MLXIPL: variants seen among roughly 807,000 people sequenced by gnomAD.
MLXIPL encodes MLX interacting protein like, also known as carbohydrate-responsive element-binding protein.
A neutral mutation model predicts 81.5 loss-of-function variants in MLXIPL; 49 were observed. That is an observed-to-expected ratio of 0.60 (90% confidence interval 0.48 to 0.76). The LOEUF (loss-of-function observed/expected upper bound fraction) is 0.76, where lower values mean the gene tolerates loss of function less well. Among genes scored for constraint, MLXIPL ranks in the 30% least tolerant of loss-of-function variants. The pLI, the probability that MLXIPL is intolerant of heterozygous loss-of-function variation, is 0.00. For synonymous variants in MLXIPL, 466 were observed against 485.5 expected, an observed-to-expected ratio of 0.96 and a Z score of 0.53; for missense variants, 1,053 against 1,167.0, an observed-to-expected ratio of 0.90 and a Z score of 1.42.
chr7:73,622,982 C>A (rs1193103584), intron 1 of MLXIPL, among the ~76,000 whole-genome samples: 1 of 152,066 alleles, frequency 6.6e-6, no homozygotes, highest in Admixed American at 6.6e-5. Flanking sequence ...CAGGCAGTCG[C>A]GTGACATTTG....
intron 7 of MLXIPL, 40 bp from the exon 8 acceptor site, chr7:73,599,735 G>A: frequency 6.4e-7 from 1 of 1,572,608 alleles, no homozygotes. Context: ...GTTAGGGCCA[G>A]GGCTATGGCT....
In MLXIPL at chr7:73,605,899, C is replaced by T. The variant is rs782136298; in HGVS notation, c.820+11G>A. The T allele has an allele frequency of 6.3e-7, 1 of 1,576,440 alleles. No homozygotes were observed. Among genetic ancestry groups the T allele is most frequent in the East Asian group, 2.3e-5 (1 of 43,204 alleles). On this transcript the variant is annotated intron_variant, in intron 6 of 16. Transcript: ENST00000313375. ...TTCACCCCTCTCCCCTGCCCTTTCTCAGACCCTCACCATCCTCAGGCGGCA... is the reference window on the plus strand; with the variant it reads ...TTCACCCCTCTCCCCTGCCCTTTCTTAGACCCTCACCATCCTCAGGCGGCA...
intron 1 of MLXIPL, among the ~76,000 whole-genome samples, chr7:73,620,006 G>A (rs1490853056): frequency 1.3e-5 from 2 of 151,900 alleles, no homozygotes; most frequent in African/African-American, 2.4e-5. Context: ...GAGCAGTGGT[G>A]GGCCTGTAAC....
chr7:73,601,207 G>C (rs1445222227), intron 7 of MLXIPL, among the ~76,000 whole-genome samples: 1 of 150,744 alleles, frequency 6.6e-6, no homozygotes, highest in Non-Finnish European at 1.5e-5. Context: ...GTGTGTGTGT[G>C]TGTGTGTGTT....
At chr7:73,647,540 C>A in the MLXIPL span, among the ~76,000 whole-genome samples, 2 of 152,188 alleles carry the variant, frequency 1.3e-5, no homozygotes, top group Non-Finnish European at 2.9e-5. Context: ...AGGATGAATT[C>A]TTGGATTCCT....
chr7:73,615,202 C>T (rs1366151857), intron 2 of MLXIPL, among the ~76,000 whole-genome samples: 1 of 152,122 alleles, frequency 6.6e-6, no homozygotes, highest in Non-Finnish European at 1.5e-5. Flanking sequence ...GAGGAACTAG[C>T]TCTGGGCAAC....
At chr7:73,600,092 T>C (rs1459829230) in intron 7 of MLXIPL, among the ~76,000 whole-genome samples, 1 of 150,368 alleles carries the variant, frequency 6.7e-6, no homozygotes, top group Non-Finnish European at 1.5e-5. Context: ...GGAAAAGGGG[T>C]ACGGTGCTAG....
intron 1 of MLXIPL, among the ~76,000 whole-genome samples, chr7:73,619,318 G>C (rs555545295): frequency 6.6e-6 from 1 of 151,988 alleles, no homozygotes; most frequent in Non-Finnish European, 1.5e-5. Flanking sequence ...AAAATTAGCC[G>C]GACGTGGTGG....
Position 73,594,200 on chromosome 7 carries a change from T to A in MLXIPL, c.2440+74A>T, listed in dbSNP as rs959942282. 1.8e-5 allele frequency: 28 copies of A among 1,598,654 alleles called. No individual in the cohort carries two copies. The African/African-American group carries it at 3.7e-4, about 21-fold the overall frequency. On this transcript the variant is annotated intron_variant, in intron 16 of 16. Coordinates refer to ENST00000313375, the MANE Select transcript of MLXIPL (RefSeq NM_032951.3). ...TGTTGATGGCAAGCTGGATGTGGGA[T>A]CTAAGCAGGGTGGAATGCTCCCTCC...
Position 73,593,791 on chromosome 7 carries a change from G to T in MLXIPL, c.*74C>A. 7.7e-7 allele frequency: 1 copy of T among 1,306,514 alleles called. No individual in the cohort carries two copies. The highest frequency in any genetic ancestry group is 1.1e-6 in the Non-Finnish European group (1 of 901,302). The allele number at this position is 1,306,514 out of a possible 1,614,324, so 80.9% of individuals were successfully genotyped here. A position where few individuals can be genotyped will look rare whatever the true frequency, so the allele number is the denominator to read the frequency against. ...CTGGGGCAGGAAGGGAGTGCCCAGA[G>T]ATGATCCCTGGAGCCCGTGCCCAGG... is the stretch of plus-strand genomic sequence containing the variant. On this transcript the variant is annotated 3_prime_UTR_variant, in exon 17 of 17. Coordinates refer to ENST00000313375, the MANE Select transcript of MLXIPL (RefSeq NM_032951.3).
chr7:73,618,051 C>T (rs1289485421), intron 1 of MLXIPL, among the ~76,000 whole-genome samples: 1 of 152,168 alleles, frequency 6.6e-6, no homozygotes, highest in Non-Finnish European at 1.5e-5. Flanking sequence ...CCTTTTGCAT[C>T]CCTTACTCAG....
At chr7:73,640,180 T>C in the MLXIPL span, among the ~76,000 whole-genome samples, 7 of 141,762 alleles carry the variant, frequency 4.9e-5, no homozygotes, top group Non-Finnish European at 1.1e-4. Context: ...GGAGGCAGAG[T>C]GATCACTTGA....
At chr7:73,620,668 T>C (rs1796289405) in intron 1 of MLXIPL, among the ~76,000 whole-genome samples, 1 of 150,802 alleles carries the variant, frequency 6.6e-6, no homozygotes, top group African/African-American at 2.4e-5. Flanking sequence ...CTTGAACCCG[T>C]TGGGTGGAGG....
intron 7 of MLXIPL, among the ~76,000 whole-genome samples, chr7:73,605,346 C>T (rs1427105281): frequency 6.6e-6 from 1 of 151,968 alleles, no homozygotes; most frequent in Non-Finnish European, 1.5e-5. Flanking sequence ...ATGGCTTGAG[C>T]TCAGGAGTTT....
In MLXIPL at chr7:73,602,130, G is replaced by GCCTTCCTT. The variant is rs1211377104; in HGVS notation, c.902-2443_902-2436dup. ...TGCCTGCCTGCCTGCCTGCCTGCCT[G>GCCTTCCTT]CCTTCCTTCCTTCCTTCCTTCCTTC... On this transcript the variant is annotated intron_variant, in intron 7 of 16. Transcript: ENST00000313375. Among the ~76,000 whole-genome samples, 400 of 80,538 alleles carry GCCTTCCTT rather than the reference G, an allele frequency of 5.0e-3. 8 individuals are homozygous for GCCTTCCTT. Among genetic ancestry groups the GCCTTCCTT allele is most frequent in the Middle Eastern group, 0.011 (2 of 184 alleles). 52.8% of individuals were successfully genotyped at this position (80,538 alleles called of 152,430 possible).
chr7:73,604,314 G>A (rs984014211), intron 7 of MLXIPL, among the ~76,000 whole-genome samples: 1 of 150,268 alleles, frequency 6.7e-6, no homozygotes, highest in Non-Finnish European at 1.5e-5. Flanking sequence ...GCACACACCT[G>A]TAATCCCAGC....
At chr7:73,624,175 C>A in intron 1 of MLXIPL, 25 bp downstream of exon 1, 1 of 1,542,776 alleles carries the variant, frequency 6.5e-7, no homozygotes, top group Non-Finnish European at 8.7e-7. Context: ...AAGCCAAGGC[C>A]GTCAGGGCCC....
rs782650159 is a variant in MLXIPL at position 73,596,229 on chromosome 7, C to T, written c.1982G>A (p.Arg661Gln). 1.2e-6 allele frequency: 2 copies of T among 1,613,260 alleles called. No homozygotes were observed. The highest frequency in any genetic ancestry group is 1.7e-6 in the Non-Finnish European group (2 of 1,179,944). Residue 661 changes from arginine to glutamine, a missense_variant, in exon 13 of 17, where the codon CGG (arginine) becomes CAG (glutamine). Coordinates refer to ENST00000313375, the MANE Select transcript of MLXIPL (RefSeq NM_032951.3). The surrounding 1 kb of genome is among the most constrained non-coding windows in gnomAD (Gnocchi z 4.7). Reference sequence around the variant, plus strand: ...AAACCCCAGCTTGATGTTGAAGCGCCGCTTCTGCTCCGCGGAGATGTGTGT... The same window carrying T: ...AAACCCCAGCTTGATGTTGAAGCGCTGCTTCTGCTCCGCGGAGATGTGTGT... ...RITHISAEQK[R>Q]RFNIKLGFDT...
At chr7:73,629,884 G>A in the MLXIPL span, among the ~76,000 whole-genome samples, 2 of 152,134 alleles carry the variant, frequency 1.3e-5, no homozygotes, top group Non-Finnish European at 2.9e-5. Flanking sequence ...GTGAGAATTA[G>A]CTATATAAAG....
Sources: allele counts gnomAD v4.1 joint callset (sites outside exome capture counted in the v4.1 genomes callset), GRCh38; gene constraint gnomAD v4.1.1; non-coding constraint Gnocchi (gnomAD v3.1); transcripts MANE v1.5; gene names NCBI Gene and HGNC (gene_info 2026-07-23, HGNC 2026-07-21).